Variants in ADCK1 observed in about 807,000 individuals in gnomAD.
ADCK1 encodes the protein aarF domain containing kinase 1.
Under a neutral mutation model 52.3 loss-of-function variants are expected in ADCK1, and 41 were observed. That is an observed-to-expected ratio of 0.78 (90% CI 0.61 to 1.02). ADCK1 has a LOEUF of 1.02. Ranked by LOEUF, ADCK1 falls within the 50% of genes least tolerant of loss-of-function variation. The probability of loss-of-function intolerance (pLI) is 0.00; values close to 1 mark genes in which losing one functional copy is unlikely to be tolerated. For missense variants in ADCK1, 658 were observed against 679.5 expected, an observed-to-expected ratio of 0.97 and a Z score of 0.35; for synonymous variants, 250 against 274.6, an observed-to-expected ratio of 0.91 and a Z score of 0.89.
rs373327329 is a variant in ADCK1 at position 77,877,148 on chromosome 14, G to A, written c.424-9943G>A. 1.9e-4 allele frequency among the ~76,000 whole-genome samples: 29 copies of A among 152,208 alleles called. 1 individual carries two copies. Among genetic ancestry groups the A allele is most frequent in the African/African-American group, 6.8e-4 (28 of 41,448 alleles). ...GAGAATCACTTGCACCTGGGAGGTGGAGGCTGCAGTGAGCTGAGATCATGC... is the reference window on the plus strand; with the variant it reads ...GAGAATCACTTGCACCTGGGAGGTGAAGGCTGCAGTGAGCTGAGATCATGC... On this transcript the variant is annotated intron_variant, in intron 4 of 10. Coordinates refer to ENST00000238561, the MANE Select transcript of ADCK1 (RefSeq NM_020421.4).
intron 1 of ADCK1, among the ~76,000 whole-genome samples, chr14:77,817,566 T>C (rs1733245677): frequency 6.6e-6 from 1 of 151,888 alleles, no homozygotes; most frequent in Non-Finnish European, 1.5e-5. Context: ...CAGGTACAAG[T>C]AGGGTGGGGA....
At chr14:77,908,886 G>A (rs189134311) in intron 7 of ADCK1, among the ~76,000 whole-genome samples, 2 of 152,256 alleles carry the variant, frequency 1.3e-5, no homozygotes, top group Non-Finnish European at 2.9e-5. Flanking sequence ...ACAGGTTGGT[G>A]TCCCCAGCAG....
intron 3 of ADCK1, among the ~76,000 whole-genome samples, chr14:77,848,189 G>T (rs2140107196): frequency 6.6e-6 from 1 of 152,312 alleles, no homozygotes. Context: ...ACAGGCATGA[G>T]CCCCGGCCTG....
intron 3 of ADCK1, among the ~76,000 whole-genome samples, chr14:77,836,512 C>T (rs966966450): frequency 1.1e-4 from 16 of 152,258 alleles, no homozygotes; most frequent in African/African-American, 3.4e-4. Flanking sequence ...AGCTAGCAAG[C>T]GGGTGTACTA....
intron 5 of ADCK1, among the ~76,000 whole-genome samples, chr14:77,895,753 G>A (rs1282099426): frequency 6.6e-6 from 1 of 152,110 alleles, no homozygotes; most frequent in African/African-American, 2.4e-5. Context: ...TGAACCCGAC[G>A]ACTCTTAACC....
intron 5 of ADCK1, among the ~76,000 whole-genome samples, chr14:77,896,912 G>A (rs892387296): frequency 1.3e-5 from 2 of 152,322 alleles, no homozygotes; most frequent in Middle Eastern, 3.4e-3. Flanking sequence ...TTTTGGAATG[G>A]CGTCTGGTAC....
At chr14:77,864,510 G>C (rs1380922368) in intron 4 of ADCK1, among the ~76,000 whole-genome samples, 1 of 152,110 alleles carries the variant, frequency 6.6e-6, no homozygotes, top group Non-Finnish European at 1.5e-5. Context: ...TTGATGGGAG[G>C]GGGTAAAAGG....
rs548077779 is a variant in ADCK1, at chr14:77,889,081, TTGCCTGCCACCA to T, written c.582+1835_582+1846del. Among the ~76,000 whole-genome samples the T allele has an allele frequency of 1.7e-3, 256 of 152,334 alleles. 2 individuals are homozygous for T. In the Middle Eastern group the frequency reaches 0.024, roughly 14 times the overall value. ...GGGCAGTCCCCCTGCAAAGGCTCTC[TTGCCTGCCACCA>T]TGTAAGATGTGCCTTTGCTTCTCCT... is the stretch of plus-strand genomic sequence containing the variant. On this transcript the variant is annotated intron_variant, in intron 5 of 10. Coordinates refer to ENST00000238561, the MANE Select transcript of ADCK1 (RefSeq NM_020421.4).
At chr14:77,887,337 T>A in intron 5 of ADCK1, 88 bp downstream of exon 5, 2 of 1,401,642 alleles carry the variant, frequency 1.4e-6, no homozygotes, top group Middle Eastern at 2.6e-4. Flanking sequence ...TTCAAGCTGG[T>A]GAGTGGAGTG....
At chr14:77,828,543 A>G (rs1389624243) in intron 3 of ADCK1, among the ~76,000 whole-genome samples, 1 of 152,002 alleles carries the variant, frequency 6.6e-6, no homozygotes, top group East Asian at 1.9e-4. Context: ...AATTATTGTT[A>G]TTATTATTAA....
At chr14:77,850,648 C>CTTT (rs58373247) in intron 3 of ADCK1, among the ~76,000 whole-genome samples, 2 of 107,990 alleles carry the variant, frequency 1.9e-5, no homozygotes, top group African/African-American at 3.7e-5. Context: ...CATGATATAT[C>CTTT]TTTTTTTTTT....
chr14:77,814,591 C>T (rs566799738), intron 1 of ADCK1, among the ~76,000 whole-genome samples: 4 of 147,842 alleles, frequency 2.7e-5, no homozygotes, highest in African/African-American at 7.5e-5. Context: ...TAGCCCACTC[C>T]GGAGGCTGAG....
At chr14:77,866,333 C>T (rs537906708) in intron 4 of ADCK1, among the ~76,000 whole-genome samples, 7 of 152,304 alleles carry the variant, frequency 4.6e-5, no homozygotes, top group South Asian at 2.1e-4. Flanking sequence ...TGTTGTTATG[C>T]GGCACATGAC....
chr14:77,919,998 G>T (rs561787772), intron 7 of ADCK1, among the ~76,000 whole-genome samples: 4 of 152,308 alleles, frequency 2.6e-5, no homozygotes, highest in African/African-American at 7.2e-5. Flanking sequence ...TTTGTTCGAT[G>T]CATAGCTGTG....
At chr14:77,916,687 C>T (rs551211852) in intron 7 of ADCK1, among the ~76,000 whole-genome samples, 17 of 152,284 alleles carry the variant, frequency 1.1e-4, no homozygotes, top group African/African-American at 4.1e-4. Context: ...TGGGCTCAAG[C>T]CATCTGACTG....
At chr14:77,839,809 C>T (rs1297082977) in intron 3 of ADCK1, among the ~76,000 whole-genome samples, 1 of 149,656 alleles carries the variant, frequency 6.7e-6, no homozygotes, top group Non-Finnish European at 1.5e-5. Context: ...TCCTCAGCTA[C>T]TTGGGAGGCT....
At chr14:77,895,739 T>C (rs1438793119) in intron 5 of ADCK1, among the ~76,000 whole-genome samples, 1 of 152,200 alleles carries the variant, frequency 6.6e-6, no homozygotes, top group East Asian at 1.9e-4. Flanking sequence ...CAGCCCGAAC[T>C]ACTTGAACCC....
At chr14:77,908,693 A>G (rs956885482) in intron 7 of ADCK1, among the ~76,000 whole-genome samples, 2 of 152,176 alleles carry the variant, frequency 1.3e-5, no homozygotes, top group Admixed American at 1.3e-4. Context: ...GCCAGGCTCA[A>G]CATTGATCAT....
intron 4 of ADCK1, among the ~76,000 whole-genome samples, chr14:77,884,694 C>T (rs2083109229): frequency 6.6e-6 from 1 of 152,204 alleles, no homozygotes; most frequent in Admixed American, 6.5e-5. Context: ...TTCTTTGTTG[C>T]TACTATGTGA....
Sources: allele counts gnomAD v4.1 joint callset (sites outside exome capture counted in the v4.1 genomes callset), GRCh38; gene constraint gnomAD v4.1.1; transcripts MANE v1.5; gene names NCBI Gene and HGNC (gene_info 2026-07-23, HGNC 2026-07-21).